The following RGSL1 variants were observed in gnomAD, a reference collection of about 807,000 sequenced individuals.
RGSL1 encodes regulator of G protein signaling like 1, also known as regulator of G protein signaling protein-like.
Under a neutral mutation model 124.7 loss-of-function variants are expected in RGSL1, and 97 were observed. That is an observed-to-expected ratio of 0.78 (90% CI 0.66 to 0.92). The LOEUF (loss-of-function observed/expected upper bound fraction) is 0.92. Ranked by LOEUF, RGSL1 falls within the 40% of genes least tolerant of loss-of-function variation. The pLI is 0.00. For missense variants in RGSL1, 1,233 were observed against 1,288.4 expected (o/e 0.96, Z 0.66); for synonymous variants, 424 against 438.1 (o/e 0.97, Z 0.40).
intron 2 of RGSL1, among the ~76,000 whole-genome samples, chr1:182,455,489 C>T (rs545320545): frequency 1.3e-5 from 2 of 151,348 alleles, no homozygotes; most frequent in African/African-American, 2.4e-5. Flanking sequence ...GGCTGAGGCA[C>T]GAGAATCACT....
Position 182,534,593 on chromosome 1 carries a change from C to T in RGSL1, c.2494+1802C>T, listed in dbSNP as rs1297017346. Among the ~76,000 whole-genome samples the T allele has an allele frequency of 5.3e-5, 8 of 152,240 alleles. No individual in the cohort carries two copies. In the South Asian group the frequency reaches 1.0e-3, roughly 20 times the overall value. On this transcript the variant is annotated intron_variant, in intron 14 of 21. Coordinates refer to ENST00000294854, the MANE Select transcript of RGSL1 (RefSeq NM_001137669.2). ...CTGTAATCTCAGTAGTTTGGTAGGC[C>T]GAGGCCGGTGGATCACTTGAGGTCG...
In RGSL1 at chr1:182,560,476, T is replaced by A. The variant is rs755897661; in HGVS notation, c.*363T>A. ...CCTCATTTTGAGAGCCTCCAACTGA[T>A]CCAAGTGTCATCCGGAGGAGGAGGT... is the stretch of plus-strand genomic sequence containing the variant. On this transcript the variant is annotated 3_prime_UTR_variant, in exon 22 of 22. Transcript: ENST00000294854. The A allele has an allele frequency of 2.0e-5, 3 of 152,124 alleles. No individual in the cohort carries two copies. The highest frequency in any genetic ancestry group is 2.0e-4 in the Admixed American group (3 of 15,270). The allele number at this position is 152,124 out of a possible 1,614,324, so 9.4% of individuals were successfully genotyped here.
intron 9 of RGSL1, among the ~76,000 whole-genome samples, chr1:182,516,605 T>C (rs1657913579): frequency 6.6e-6 from 1 of 152,226 alleles, no homozygotes; most frequent in Non-Finnish European, 1.5e-5. Context: ...TTAGTGAATG[T>C]ATTATAGATT....
At chr1:182,487,466 G>A (rs1256326059) in intron 6 of RGSL1, among the ~76,000 whole-genome samples, 2 of 152,104 alleles carry the variant, frequency 1.3e-5, no homozygotes, top group African/African-American at 2.4e-5. Flanking sequence ...TTCCTATCCC[G>A]ATGCCTTTGC....
rs1458890397 is a variant in RGSL1, at chr1:182,560,524, G to A, written c.*411G>A. Reference sequence around the variant, plus strand: ...GGTGGCCCGTATGTGCAGGACCTCAGGGTGCCAGCCCTCACCCATACACCT... The same window carrying A: ...GGTGGCCCGTATGTGCAGGACCTCAAGGTGCCAGCCCTCACCCATACACCT... On this transcript the variant is annotated 3_prime_UTR_variant, in exon 22 of 22. Transcript: ENST00000294854. The A allele has an allele frequency of 6.6e-6, 1 of 152,218 alleles. No individual in the cohort carries two copies. Among genetic ancestry groups the A allele is most frequent in the African/African-American group, 2.4e-5 (1 of 41,442 alleles). 9.4% of individuals were successfully genotyped at this position (152,218 alleles called of 1,614,324 possible). A position where few individuals can be genotyped will look rare whatever the true frequency, so the allele number is the denominator to read the frequency against.
chr1:182,536,947 C>T (rs1369097878), intron 14 of RGSL1, among the ~76,000 whole-genome samples: 5 of 152,118 alleles, frequency 3.3e-5, no homozygotes, highest in East Asian at 1.9e-4. Context: ...ACATACAGTG[C>T]GTTTTTTAGT....
At chr1:182,545,081 T>C (rs1660126361) in intron 15 of RGSL1, among the ~76,000 whole-genome samples, 1 of 152,160 alleles carries the variant, frequency 6.6e-6, no homozygotes, top group African/African-American at 2.4e-5. Context: ...TTTCTTACTG[T>C]CTTCCTTTGT....
At chr1:182,535,888 G>A (rs1659504676) in intron 14 of RGSL1, among the ~76,000 whole-genome samples, 1 of 152,068 alleles carries the variant, frequency 6.6e-6, no homozygotes. Flanking sequence ...TAGAATACTT[G>A]CTTCATCACA....
At chr1:182,511,770 T>A (rs1398016197) in intron 9 of RGSL1, among the ~76,000 whole-genome samples, 1 of 152,216 alleles carries the variant, frequency 6.6e-6, no homozygotes, top group Admixed American at 6.5e-5. Context: ...ATTTAAAAAA[T>A]TTCTCTGAAG....
intron 9 of RGSL1, among the ~76,000 whole-genome samples, chr1:182,496,820 A>G: frequency 6.6e-6 from 1 of 152,228 alleles, no homozygotes; most frequent in East Asian, 1.9e-4. Context: ...AAGATGCAAG[A>G]TGCAATCTAT....
intron 20 of RGSL1, chr1:182,555,728 C>T (rs1381541353): frequency 7.7e-6 from 3 of 391,946 alleles, no homozygotes; most frequent in Non-Finnish European, 1.4e-5. Flanking sequence ...CCAGACTTGT[C>T]CTTCCAACAG....
chr1:182,548,630 G>A (rs912923033), intron 16 of RGSL1, 70 bp from the exon 17 acceptor site: 6 of 1,536,556 alleles, frequency 3.9e-6, no homozygotes, highest in Non-Finnish European at 5.3e-6. Context: ...ATGGGGTTCT[G>A]GGGGCCAGGA....
upstream of RGSL1, chr1:182,448,194 ATTTATTTGTTTGTTTGTTTG>A (rs1164044748): frequency 2.2e-5 from 2 of 92,232 alleles, no homozygotes; most frequent in Non-Finnish European, 4.5e-5. Context: ...TTAGAAACCA[ATTTATTTGTTTGTTTGTTTG>A]TTTGTTTGTT....
At chr1:182,548,188 A>G (rs919626777) in intron 15 of RGSL1, 129 bp from the exon 16 acceptor site, 1 of 911,312 alleles carries the variant, frequency 1.1e-6, no homozygotes, top group Non-Finnish European at 1.7e-6. Context: ...GACTGAATGA[A>G]TAAAGTCACA....
At chr1:182,467,527 C>G (rs1287796236) in intron 4 of RGSL1, among the ~76,000 whole-genome samples, 1 of 152,170 alleles carries the variant, frequency 6.6e-6, no homozygotes, top group Non-Finnish European at 1.5e-5. Flanking sequence ...AAGGGATTCC[C>G]TATTTAATAA....
At chr1:182,469,709 C>T (rs1195327276) in intron 4 of RGSL1, among the ~76,000 whole-genome samples, 3 of 152,100 alleles carry the variant, frequency 2.0e-5, no homozygotes, top group African/African-American at 7.2e-5. Context: ...CATCCATGTC[C>T]ATAGGAGCAT....
rs1660852855 is a variant in RGSL1 at position 182,556,207 on chromosome 1, G to A, written c.*150G>A. The A allele has an allele frequency of 2.8e-6, 2 of 711,758 alleles. No homozygotes were observed. The highest frequency in any genetic ancestry group is 3.8e-5 in the South Asian group (2 of 52,470). 44.1% of individuals were successfully genotyped at this position (711,758 alleles called of 1,614,324 possible). A position where few individuals can be genotyped will look rare whatever the true frequency, so the allele number is the denominator to read the frequency against. ...TGGGTTGACAGCCCAGATATGGCAG[G>A]ACCAGACTGCAATGGGTAAGACTTG... On this transcript the variant is annotated 3_prime_UTR_variant, in exon 21 of 22. Transcript: ENST00000294854.
intron 4 of RGSL1, among the ~76,000 whole-genome samples, chr1:182,463,158 G>C (rs1482879720): frequency 6.6e-6 from 1 of 152,030 alleles, no homozygotes; most frequent in Non-Finnish European, 1.5e-5. Flanking sequence ...GCCGGGAATG[G>C]TGACAGGCGC....
At position 182,487,887 on chromosome 1, in the gene RGSL1, G is replaced by T. The variant is rs1256071226; in HGVS notation, c.1432-398G>T. ...ATGTAATAAAATGTTATTCACAAAA[G>T]GGTAAGGTCTTCAAGTGGGAGATAT... is the stretch of plus-strand genomic sequence containing the variant. On this transcript the variant is annotated intron_variant, in intron 6 of 21. Transcript: ENST00000294854. 2.6e-5 allele frequency among the ~76,000 whole-genome samples: 4 copies of T among 152,332 alleles called. No individual in the cohort carries two copies. In the East Asian group the frequency reaches 7.7e-4, roughly 29 times the overall value.
Sources: allele counts gnomAD v4.1 joint callset (sites outside exome capture counted in the v4.1 genomes callset), GRCh38; gene constraint gnomAD v4.1.1; transcripts MANE v1.5; gene names NCBI Gene and HGNC (gene_info 2026-07-23, HGNC 2026-07-21).